The following SEMA6A variants were observed in gnomAD, a reference collection of about 807,000 sequenced individuals.
The protein encoded by SEMA6A is semaphorin 6A.
A neutral mutation model predicts 96.8 loss-of-function variants in SEMA6A; 25 were observed. That is an observed-to-expected ratio of 0.26 (90% CI 0.19 to 0.36). The LOEUF (loss-of-function observed/expected upper bound fraction) is 0.36, where lower values mean the gene tolerates loss of function less well. Ranked by LOEUF, SEMA6A falls within the 10% of genes least tolerant of loss-of-function variation. The pLI is 1.00. For synonymous variants in SEMA6A, 612 were observed against 518.0 expected, an observed-to-expected ratio of 1.18 and a Z score of -2.46; for missense variants, 1,363 against 1,323.1, an observed-to-expected ratio of 1.03 and a Z score of -0.47.
chr5:116,487,152 G>A, intron 9 of SEMA6A, 186 bp from the exon 10 acceptor site: 1 of 567,806 alleles, frequency 1.8e-6, no homozygotes, highest in East Asian at 3.0e-5. Context: ...AGAGTAGCAT[G>A]TTTTAAAAGA....
At chr5:116,572,233 G>A (rs188198063) in intron 1 of SEMA6A, among the ~76,000 whole-genome samples, 22 of 152,304 alleles carry the variant, frequency 1.4e-4, no homozygotes, top group African/African-American at 5.1e-4. Context: ...GTGTGTGCGT[G>A]TGTGTGTCCA....
Position 116,446,682 on chromosome 5 carries a change from C to A in SEMA6A, c.3024G>T (p.Pro1008=). ...SGLKRTPSLK[P]DVPPKPSFAP... ...CAAAGGATGGTTTGGGGGGTACGTC[C>A]GGCTTTAGCGAGGGCGTACGCTTCA... The change falls in exon 19 of 19, where the codon CCG becomes CCT. Residue 1008 remains proline (P), a synonymous_variant. Coordinates refer to ENST00000343348, the MANE Select transcript of SEMA6A (RefSeq NM_020796.5). 6.4e-7 allele frequency: 1 copy of A among 1,565,362 alleles called. No homozygotes were observed.
At chr5:116,506,152 C>T (rs553997751) in intron 1 of SEMA6A, among the ~76,000 whole-genome samples, 33 of 152,192 alleles carry the variant, frequency 2.2e-4, no homozygotes, top group East Asian at 1.9e-4. Context: ...TGCTAACTTA[C>T]GCTTTTTGGA....
chr5:116,524,923 G>A (rs540866292), intron 1 of SEMA6A, among the ~76,000 whole-genome samples: 2 of 152,228 alleles, frequency 1.3e-5, no homozygotes, highest in South Asian at 2.1e-4. Context: ...AGTATTTTAG[G>A]TAAAGATCTA....
chr5:116,463,085 G>C (rs1452453181), intron 18 of SEMA6A, among the ~76,000 whole-genome samples: 3 of 152,190 alleles, frequency 2.0e-5, no homozygotes, highest in Admixed American at 6.5e-5. Flanking sequence ...GCTAGATCCA[G>C]TTGGAAGACA....
At chr5:116,500,574 G>C (rs1757827863) in intron 3 of SEMA6A, among the ~76,000 whole-genome samples, 2 of 152,116 alleles carry the variant, frequency 1.3e-5, no homozygotes, top group Non-Finnish European at 2.9e-5. Context: ...GTTAGGGGCA[G>C]TTTCAGGATG....
At chr5:116,485,391 G>GAGAT (rs1365769820) in intron 10 of SEMA6A, among the ~76,000 whole-genome samples, 2 of 152,176 alleles carry the variant, frequency 1.3e-5, no homozygotes, top group Admixed American at 6.5e-5. Flanking sequence ...AAATCCTAGA[G>GAGAT]AGATAGGCTC....
chr5:116,491,855 T>A, intron 6 of SEMA6A, 25 bp from the exon 7 acceptor site: 1 of 1,546,496 alleles, frequency 6.5e-7, no homozygotes, highest in Non-Finnish European at 8.9e-7. Flanking sequence ...CAGACTTAAT[T>A]ACAAACAACA....
At position 116,502,233 on chromosome 5, in the gene SEMA6A, G is replaced by C; in HGVS notation, c.195C>G (p.Asn65Lys). The C allele has an allele frequency of 6.2e-7, 1 of 1,613,880 alleles. No homozygotes were observed. Among genetic ancestry groups the C allele is most frequent in the South Asian group, 1.1e-5 (1 of 91,078 alleles). ...ACCTAGCAGCAATGTAGAGGGTTCC[G>C]TTCATGATCATAATCATCTGGATGT... ...RLDIQMIMIMNGTLYIAARDH... is the reference protein window; with the variant it reads ...RLDIQMIMIMKGTLYIAARDH... Residue 65 changes from asparagine (N) to lysine (K), a missense_variant, in exon 3 of 19, where the codon AAC becomes AAG. This residue lies in a region of SEMA6A where 480 missense variants were observed against 559.5 expected (regional missense o/e 0.86). Coordinates refer to ENST00000343348, the MANE Select transcript of SEMA6A (RefSeq NM_020796.5).
chr5:116,448,299 C>T (rs1754398302), intron 18 of SEMA6A, among the ~76,000 whole-genome samples: 1 of 151,710 alleles, frequency 6.6e-6, no homozygotes, highest in South Asian at 2.1e-4. Context: ...GAAGGGAGAT[C>T]AGGCCACTGT....
At chr5:116,475,624 A>G (rs772126452) in intron 15 of SEMA6A, 21 bp from the exon 16 acceptor site, 1 of 1,560,288 alleles carries the variant, frequency 6.4e-7, no homozygotes, top group Non-Finnish European at 8.7e-7. Flanking sequence ...AGGAAGGGAA[A>G]GAGAGACAGA....
At chr5:116,456,276 A>G (rs1755007361) in intron 18 of SEMA6A, among the ~76,000 whole-genome samples, 1 of 152,194 alleles carries the variant, frequency 6.6e-6, no homozygotes, top group African/African-American at 2.4e-5. Flanking sequence ...CAGCCTCAGA[A>G]TCTCTGGGTT....
At chr5:116,452,553 T>C (rs190425074) in intron 18 of SEMA6A, among the ~76,000 whole-genome samples, 84 of 152,118 alleles carry the variant, frequency 5.5e-4, no homozygotes, top group Non-Finnish European at 1.1e-3. Flanking sequence ...CCCTGCAACA[T>C]GTGATTCAAA....
At chr5:116,525,564 CT>C (rs1025030157) in intron 1 of SEMA6A, among the ~76,000 whole-genome samples, 10 of 147,520 alleles carry the variant, frequency 6.8e-5, no homozygotes, top group Non-Finnish European at 1.4e-4. Context: ...CAATTTCCCC[CT>C]GTCCTCAAAA....
intron 1 of SEMA6A, among the ~76,000 whole-genome samples, chr5:116,565,647 T>C (rs1760996157): frequency 6.6e-6 from 1 of 152,376 alleles, no homozygotes; most frequent in South Asian, 2.1e-4. Context: ...CAGATGCTCA[T>C]GTTTTTAAAA....
chr5:116,570,643 C>G (rs1207309706), intron 1 of SEMA6A, among the ~76,000 whole-genome samples: 1 of 152,208 alleles, frequency 6.6e-6, no homozygotes, highest in East Asian at 1.9e-4. Context: ...GATGGAGAGA[C>G]TATATTAGCT....
At chr5:116,478,929 A>AGAGTGTGT (rs1252808674) in intron 12 of SEMA6A, among the ~76,000 whole-genome samples, 8 of 149,248 alleles carry the variant, frequency 5.4e-5, no homozygotes, top group Admixed American at 4.0e-4. Flanking sequence ...GGTGTGAGAG[A>AGAGTGTGT]GTGTGTGTGT....
At chr5:116,479,716 G>T (rs1385246093) in intron 12 of SEMA6A, among the ~76,000 whole-genome samples, 1 of 152,178 alleles carries the variant, frequency 6.6e-6, no homozygotes. Context: ...TCTGTGCTCT[G>T]TGTGACAGCA....
At chr5:116,572,908 C>T (rs572740986) in intron 1 of SEMA6A, among the ~76,000 whole-genome samples, 2 of 152,198 alleles carry the variant, frequency 1.3e-5, no homozygotes, top group Admixed American at 6.5e-5. Context: ...AGTGACCCCG[C>T]CGCTGTAAAG....
Sources: allele counts gnomAD v4.1 joint callset (sites outside exome capture counted in the v4.1 genomes callset), GRCh38; gene constraint gnomAD v4.1.1; regional missense constraint gnomAD v4.1.1; transcripts MANE v1.5; gene names NCBI Gene and HGNC (gene_info 2026-07-23, HGNC 2026-07-21).